CHODL: variants seen among roughly 807,000 people sequenced by gnomAD.
CHODL encodes transmembrane protein MT75.
CHODL carries 29 observed loss-of-function variants against 34.5 expected under a neutral mutation model. The ratio of observed to expected loss-of-function variants is 0.84; its 90% confidence interval spans 0.63 to 1.15. The LOEUF is 1.15. Ranked by LOEUF, CHODL falls within the 50% of genes most tolerant of loss-of-function variation. The pLI is 0.00. For synonymous variants in CHODL, 125 were observed against 116.1 expected (o/e 1.08, Z -0.49); for missense variants, 332 against 332.5 (o/e 1.00, Z 0.01).
chr21:18,259,642 A>G (rs2074357409), intron 3 of CHODL, among the ~76,000 whole-genome samples: 2 of 152,234 alleles, frequency 1.3e-5, no homozygotes, highest in African/African-American at 4.8e-5. Context: ...TTAAAAGTAG[A>G]CACTATTGGA....
intron 2 of CHODL, among the ~76,000 whole-genome samples, chr21:18,150,236 C>A (rs920447451): frequency 1.3e-5 from 2 of 152,100 alleles, no homozygotes; most frequent in Admixed American, 1.3e-4. Flanking sequence ...ACATAGGAAG[C>A]CTTCAGGTAG....
intron 1 of CHODL, among the ~76,000 whole-genome samples, chr21:17,917,957 A>G (rs1324543054): frequency 6.6e-6 from 1 of 152,100 alleles, no homozygotes; most frequent in Non-Finnish European, 1.5e-5. Context: ...GAACAATTAG[A>G]CAAGTAGTTA....
At chr21:18,260,850 A>AACAACAAC (rs1568963338) in intron 4 of CHODL, among the ~76,000 whole-genome samples, 42 of 108,862 alleles carry the variant, frequency 3.9e-4, no homozygotes, top group African/African-American at 1.9e-3. Flanking sequence ...ACAACAACAA[A>AACAACAAC]AAAACACCAC....
At chr21:17,917,685 G>C (rs970225748) in intron 1 of CHODL, among the ~76,000 whole-genome samples, 24 of 152,222 alleles carry the variant, frequency 1.6e-4, no homozygotes, top group African/African-American at 5.8e-4. Context: ...CCTTCTATTG[G>C]CCAAACCCAA....
intron 2 of CHODL, among the ~76,000 whole-genome samples, chr21:18,039,396 T>G (rs963278460): frequency 1.3e-5 from 2 of 151,708 alleles, no homozygotes; most frequent in Non-Finnish European, 3.0e-5. Flanking sequence ...TCATATCCCA[T>G]GCTGTTCTCT....
chr21:18,072,478 C>T (rs766518233), intron 2 of CHODL, among the ~76,000 whole-genome samples: 24 of 152,060 alleles, frequency 1.6e-4, no homozygotes, highest in Admixed American at 2.6e-4. Context: ...AGATTTAAGA[C>T]GGGAATTTAG....
chr21:18,082,008 C>T (rs973476932), intron 2 of CHODL, among the ~76,000 whole-genome samples: 1 of 152,166 alleles, frequency 6.6e-6, no homozygotes, highest in African/African-American at 2.4e-5. Flanking sequence ...TAAATCCCAC[C>T]TGATCCTGGT....
Position 18,250,725 on chromosome 21 carries a change from T to C in CHODL, c.79+5423T>C, listed in dbSNP as rs151171304. Among the ~76,000 whole-genome samples the C allele has an allele frequency of 1.3e-3, 192 of 152,040 alleles. 2 individuals are homozygous for C. Among genetic ancestry groups the C allele is most frequent in the Admixed American group, 3.5e-3 (53 of 15,268 alleles). On this transcript the variant is annotated intron_variant, in intron 1 of 5. Coordinates refer to ENST00000299295, the MANE Select transcript of CHODL (RefSeq NM_024944.3). ...GTGTATGGTAGTATCAACATATTTA[T>C]CAGTGTGATTGTGAGGGGGGTAAGA...
At chr21:18,064,411 A>G (rs773131982) in intron 2 of CHODL, among the ~76,000 whole-genome samples, 13 of 152,242 alleles carry the variant, frequency 8.5e-5, no homozygotes, top group Non-Finnish European at 1.3e-4. Context: ...ATGAATCCAA[A>G]TTAAACAGGT....
At chr21:18,167,221 G>C (rs1399044550) in intron 2 of CHODL, among the ~76,000 whole-genome samples, 3,357 of 122,254 alleles carry the variant, frequency 0.027, 86 homozygotes, top group African/African-American at 0.06. Flanking sequence ...CTGTGTGTGT[G>C]TGTGTGTGTG....
chr21:18,159,309 G>A (rs993980789), intron 2 of CHODL, among the ~76,000 whole-genome samples: 1 of 152,206 alleles, frequency 6.6e-6, no homozygotes, highest in African/African-American at 2.4e-5. Flanking sequence ...ACGTTTGGCA[G>A]AGATTTAACT....
intron 2 of CHODL, among the ~76,000 whole-genome samples, chr21:18,171,178 T>C (rs2073223846): frequency 6.9e-6 from 1 of 144,754 alleles, no homozygotes; most frequent in Admixed American, 6.9e-5. Context: ...TTTTTTGTTC[T>C]TCAGACATGG....
intron 2 of CHODL, among the ~76,000 whole-genome samples, chr21:18,200,570 A>T (rs1357142632): frequency 6.6e-6 from 1 of 152,186 alleles, no homozygotes. Flanking sequence ...TTTCTCACAG[A>T]TTGCATACAT....
intron 2 of CHODL, among the ~76,000 whole-genome samples, chr21:18,165,684 C>A (rs145416827): frequency 6.6e-6 from 1 of 152,152 alleles, no homozygotes; most frequent in Non-Finnish European, 1.5e-5. Flanking sequence ...AGAATTCAAA[C>A]GGTGTCACTT....
At chr21:18,254,174 C>G (rs888684283) in intron 1 of CHODL, among the ~76,000 whole-genome samples, 2 of 151,862 alleles carry the variant, frequency 1.3e-5, no homozygotes, top group African/African-American at 4.8e-5. Context: ...GAATCTCCCC[C>G]ACCCCCAGAA....
chr21:18,145,750 A>T (rs115786108), intron 2 of CHODL, among the ~76,000 whole-genome samples: 8,017 of 152,238 alleles, frequency 0.053, 291 homozygotes, highest in Non-Finnish European at 0.077. Flanking sequence ...TGTTTAAGGG[A>T]CAAAGAAACC....
chr21:18,060,704 C>G (rs563491921), intron 2 of CHODL, among the ~76,000 whole-genome samples: 15 of 57,378 alleles, frequency 2.6e-4, no homozygotes, highest in African/African-American at 1.0e-3. Flanking sequence ...TCTTACTCCT[C>G]GGACCAAAAA....
intron 1 of CHODL, chr21:18,245,756 G>T: frequency 1.6e-6 from 1 of 632,244 alleles, no homozygotes; most frequent in Non-Finnish European, 2.7e-6. Flanking sequence ...GATGCTTTCT[G>T]TGACCAGATC....
chr21:18,168,670 C>CAGTTCCTTA (rs2073186897), intron 2 of CHODL, among the ~76,000 whole-genome samples: 1 of 152,016 alleles, frequency 6.6e-6, no homozygotes, highest in South Asian at 2.1e-4. Flanking sequence ...TTCTGGATAC[C>CAGTTCCTTA]AGTTCCTTAT....
Sources: allele counts gnomAD v4.1 joint callset (sites outside exome capture counted in the v4.1 genomes callset), GRCh38; gene constraint gnomAD v4.1.1; transcripts MANE v1.5; gene names NCBI Gene and HGNC (gene_info 2026-07-23, HGNC 2026-07-21).